MED12L: variants seen among roughly 807,000 people sequenced by gnomAD.
The protein encoded by MED12L is mediator of RNA polymerase II transcription subunit 12-like protein.
A neutral mutation model predicts 281.3 loss-of-function variants in MED12L; 60 were observed. That is an observed-to-expected ratio of 0.21 (90% CI 0.17 to 0.26). The LOEUF is 0.26. Ranked by LOEUF, MED12L falls within the 10% of genes least tolerant of loss-of-function variation. The pLI is 1.00. For missense variants in MED12L, 2,146 were observed against 2,680.9 expected (o/e 0.80, Z 4.41); for synonymous variants, 974 against 987.2 (o/e 0.99, Z 0.25).
chr3:151,101,532 G>T (rs1463534281), intron 2 of MED12L, among the ~76,000 whole-genome samples: 4 of 152,254 alleles, frequency 2.6e-5, no homozygotes, highest in African/African-American at 9.6e-5. Context: ...GAAAAGAGAG[G>T]GCTGGATACA....
intron 40 of MED12L, 149 bp downstream of exon 40, chr3:151,409,481 A>G: frequency 1.4e-6 from 1 of 707,326 alleles, no homozygotes; most frequent in South Asian, 1.8e-5. Flanking sequence ...ATATTTCAAA[A>G]AAGCATGATC....
At chr3:151,113,984 A>G (rs918815974) in intron 2 of MED12L, among the ~76,000 whole-genome samples, 4 of 152,194 alleles carry the variant, frequency 2.6e-5, no homozygotes, top group African/African-American at 2.4e-5. Flanking sequence ...AATGTTTCTT[A>G]TAATACTCTG....
chr3:151,191,554 A>G (rs890014764), intron 14 of MED12L, among the ~76,000 whole-genome samples: 4 of 152,188 alleles, frequency 2.6e-5, no homozygotes, highest in East Asian at 1.9e-4. Flanking sequence ...GGCAAAAAAG[A>G]TGGAGGTGGT....
chr3:151,162,202 T>C (rs1720084800), intron 8 of MED12L, among the ~76,000 whole-genome samples: 1 of 152,100 alleles, frequency 6.6e-6, no homozygotes, highest in Admixed American at 6.5e-5. Context: ...TAGAGGGCTT[T>C]GGAATCAAGG....
At chr3:151,308,005 G>T (rs1446055845) in intron 16 of MED12L, among the ~76,000 whole-genome samples, 3 of 152,120 alleles carry the variant, frequency 2.0e-5, no homozygotes, top group Non-Finnish European at 4.4e-5. Context: ...CTATGAAACA[G>T]GGAGAATAAT....
chr3:151,332,376 A>G (rs1236115851), intron 16 of MED12L, among the ~76,000 whole-genome samples: 1 of 152,258 alleles, frequency 6.6e-6, no homozygotes, highest in East Asian at 1.9e-4. Flanking sequence ...ATACCATGGT[A>G]CTTTCTCAGA....
intron 13 of MED12L, among the ~76,000 whole-genome samples, chr3:151,189,288 TCA>T (rs1723664349): frequency 6.6e-6 from 1 of 152,142 alleles, no homozygotes; most frequent in Non-Finnish European, 1.5e-5. Context: ...AAGGGCTCTC[TCA>T]GTTATTTGGT....
chr3:151,198,342 G>GTTTTTTTTTTTTTTT, intron 16 of MED12L: 1 of 693,216 alleles, frequency 1.4e-6, no homozygotes, highest in African/African-American at 1.9e-5. Context: ...GTTTTTTTTT[G>GTTTTTTTTTTTTTTT]TTTTTTTTTT....
At chr3:151,271,560 A>G (rs1045732510) in intron 16 of MED12L, among the ~76,000 whole-genome samples, 15 of 152,236 alleles carry the variant, frequency 9.9e-5, no homozygotes, top group African/African-American at 3.1e-4. Flanking sequence ...TAGAATATTC[A>G]TAGCAACTCT....
intron 17 of MED12L, 137 bp downstream of exon 17, chr3:151,350,343 C>A: frequency 1.5e-6 from 1 of 683,626 alleles, no homozygotes; most frequent in Non-Finnish European, 2.2e-6. Flanking sequence ...GAAATGTGAA[C>A]AAGCACATTT....
intron 16 of MED12L, among the ~76,000 whole-genome samples, chr3:151,227,868 A>G (rs768329254): frequency 6.3e-4 from 96 of 151,948 alleles, no homozygotes; most frequent in Non-Finnish European, 7.9e-4. Context: ...TGTCTTGTGT[A>G]TTGTTGGGTG....
In MED12L at chr3:151,426,808, G is replaced by C. The variant is rs574668789; in HGVS notation, c.6409-3491G>C. Among the ~76,000 whole-genome samples the C allele has an allele frequency of 8.7e-4, 116 of 133,328 alleles. 1 individual carries two copies. The Middle Eastern group carries it at 0.011, about 13-fold the overall frequency. 87.5% of individuals were successfully genotyped at this position (133,328 alleles called of 152,430 possible). On this transcript the variant is annotated intron_variant, in intron 43 of 44. Coordinates refer to ENST00000687756, the MANE Select transcript of MED12L (RefSeq NM_001393769.1). ...TTTCAAAATAAAGTTATATGAGAAT[G>C]ACATGGTTTTACTTTTTTTTTTTTT... is the stretch of plus-strand genomic sequence containing the variant.
At chr3:151,159,790 G>A (rs772327853) in intron 7 of MED12L, 42 bp from the exon 8 acceptor site, 3 of 1,560,430 alleles carry the variant, frequency 1.9e-6, no homozygotes, top group East Asian at 4.5e-5. Flanking sequence ...TAACCAAGAC[G>A]CATAAGACAT....
At chr3:151,225,504 G>A (rs1402124786) in intron 16 of MED12L, among the ~76,000 whole-genome samples, 1 of 152,078 alleles carries the variant, frequency 6.6e-6, no homozygotes, top group Non-Finnish European at 1.5e-5. Context: ...TGCTCACGAG[G>A]CCTTTGCTAT....
intron 44 of MED12L, among the ~76,000 whole-genome samples, chr3:151,430,936 T>TTTTTG (rs144035864): frequency 8.6e-5 from 13 of 151,256 alleles, no homozygotes; most frequent in East Asian, 5.9e-4. Context: ...TGGTGTGGTG[T>TTTTTG]TTTTGTTTTG....
intron 8 of MED12L, among the ~76,000 whole-genome samples, chr3:151,161,092 T>C (rs1719921854): frequency 6.6e-6 from 1 of 152,178 alleles, no homozygotes; most frequent in Non-Finnish European, 1.5e-5. Flanking sequence ...CAGAGGGTTT[T>C]ATGCAGCAAA....
intron 26 of MED12L, among the ~76,000 whole-genome samples, chr3:151,372,349 G>A (rs1756292229): frequency 1.3e-5 from 2 of 152,150 alleles, no homozygotes; most frequent in Non-Finnish European, 2.9e-5. Context: ...AATAAGGACC[G>A]AGTCTTGAAC....
intron 43 of MED12L, among the ~76,000 whole-genome samples, chr3:151,420,308 T>C (rs546745493): frequency 2.0e-5 from 3 of 152,296 alleles, no homozygotes; most frequent in African/African-American, 7.2e-5. Flanking sequence ...GCCTGTTGGC[T>C]TAAAGGTAGG....
rs547839546 is a variant in MED12L at position 151,205,607 on chromosome 3, C to T, written c.2250+11941C>T. Among the ~76,000 whole-genome samples the T allele has an allele frequency of 1.7e-4, 26 of 152,078 alleles. No homozygotes were observed. The South Asian group carries it at 3.5e-3, about 21-fold the overall frequency. ...TGGGGTCGGTGGTCACTGCCACAGC[C>T]GGGCACAGGTCTGAGGACTTGTTTT... On this transcript the variant is annotated intron_variant, in intron 16 of 44. Transcript: ENST00000687756.
Sources: allele counts gnomAD v4.1 joint callset (sites outside exome capture counted in the v4.1 genomes callset), GRCh38; gene constraint gnomAD v4.1.1; transcripts MANE v1.5; gene names NCBI Gene and HGNC (gene_info 2026-07-23, HGNC 2026-07-21).